The following LAMC2 variants were observed in gnomAD, a reference collection of about 807,000 sequenced individuals.
LAMC2 encodes laminin subunit gamma 2.
In LAMC2, 97 loss-of-function variants were observed where a neutral mutation model predicts 140.2. That is an observed-to-expected ratio of 0.69 (90% confidence interval 0.59 to 0.82). The LOEUF (loss-of-function observed/expected upper bound fraction) is 0.82. Ranked by LOEUF, LAMC2 falls within the 40% of genes least tolerant of loss-of-function variation. The pLI is 0.00. For synonymous variants in LAMC2, 513 were observed against 540.2 expected, an observed-to-expected ratio of 0.95 and a Z score of 0.70; for missense variants, 1,402 against 1,476.1, an observed-to-expected ratio of 0.95 and a Z score of 0.82.
intron 3 of LAMC2, among the ~76,000 whole-genome samples, chr1:183,217,820 T>G (rs1231636047): frequency 6.6e-6 from 1 of 152,156 alleles, no homozygotes; most frequent in Non-Finnish European, 1.5e-5. Context: ...ATCAAAATGT[T>G]CTAAAATTAA....
chr1:183,233,736 AT>A (rs959773366), intron 14 of LAMC2, among the ~76,000 whole-genome samples: 11 of 146,802 alleles, frequency 7.5e-5, no homozygotes, highest in South Asian at 2.1e-4. Flanking sequence ...TTTTATTTTT[AT>A]TTTTTTTGGC....
chr1:183,191,540 C>G (rs1558077319), intron 1 of LAMC2, among the ~76,000 whole-genome samples: 1 of 146,038 alleles, frequency 6.8e-6, no homozygotes, highest in Non-Finnish European at 1.5e-5. Flanking sequence ...TTTCTAAGGG[C>G]AAGACTTGAA....
intron 1 of LAMC2, among the ~76,000 whole-genome samples, chr1:183,202,233 AAAAC>A (rs1037604448): frequency 1.3e-5 from 2 of 151,848 alleles, no homozygotes; most frequent in South Asian, 2.1e-4. Flanking sequence ...CAAAAAAAAA[AAAAC>A]AAAGAAAACC....
At chr1:183,241,685 T>C (rs984901430) in intron 22 of LAMC2, among the ~76,000 whole-genome samples, 1 of 152,126 alleles carries the variant, frequency 6.6e-6, no homozygotes, top group Non-Finnish European at 1.5e-5. Context: ...ATCATCACCC[T>C]GAGATGCCAA....
chr1:183,239,228 C>T, intron 19 of LAMC2, 136 bp from the exon 20 acceptor site: 1 of 834,676 alleles, frequency 1.2e-6, no homozygotes, highest in Non-Finnish European at 2.1e-6. Flanking sequence ...TTAATTCCAG[C>T]CGTAACTTCC....
chr1:183,223,062 C>T, intron 6 of LAMC2, 73 bp from the exon 7 acceptor site: 1 of 1,408,312 alleles, frequency 7.1e-7, no homozygotes, highest in Non-Finnish European at 1.0e-6. Context: ...TTGCCGACAC[C>T]AGTGCAAACT....
the LAMC2 span, chr1:183,252,711 A>G: frequency 1.2e-6 from 2 of 1,614,138 alleles, no homozygotes; most frequent in Admixed American, 3.3e-5. Context: ...CAGGTAATCC[A>G]CAACATGGCC....
Position 183,243,509 on chromosome 1 carries a change from G to T in LAMC2, c.*109G>T. On this transcript the variant is annotated 3_prime_UTR_variant, in exon 23 of 23. Transcript: ENST00000264144. ...GGGGACATTTGAACATGTTTAATGG[G>T]TATGCTCAGGTCAACTGACCTGACC... The T allele has an allele frequency of 1.4e-6, 2 of 1,380,036 alleles. No individual in the cohort carries two copies. The highest frequency in any genetic ancestry group is 2.1e-6 in the Non-Finnish European group (2 of 974,190). 85.5% of individuals were successfully genotyped at this position (1,380,036 alleles called of 1,614,324 possible). A position where few individuals can be genotyped will look rare whatever the true frequency, so the allele number is the denominator to read the frequency against.
rs368858792 is a variant in LAMC2 at position 183,235,701 on chromosome 1, C to T, written c.2427C>T (p.Asp809=). The T allele has an allele frequency of 1.4e-5, 22 of 1,614,080 alleles. No homozygotes were observed. The highest frequency in any genetic ancestry group is 5.3e-5 in the African/African-American group (4 of 74,928). Residue 809 remains aspartate (D), a synonymous_variant, in exon 16 of 23, where the codon GAC becomes GAT. Transcript: ENST00000264144. ...EGVGSGSGSP[D]GAVVQGLVEK... ...TCGGAAGCGGAAGCGGTAGCCCGGA[C>T]GGTGCTGTGGTGCAAGGGCTTGTGG...
chr1:183,188,961 C>A (rs1658240487), intron 1 of LAMC2, among the ~76,000 whole-genome samples: 1 of 152,188 alleles, frequency 6.6e-6, no homozygotes, highest in Non-Finnish European at 1.5e-5. Flanking sequence ...GATTTGTAAG[C>A]AGGAATTAGT....
intron 2 of LAMC2, among the ~76,000 whole-genome samples, chr1:183,209,296 G>C (rs1659000974): frequency 6.6e-6 from 1 of 152,154 alleles, no homozygotes; most frequent in African/African-American, 2.4e-5. Flanking sequence ...TAGTGTAGTA[G>C]GTCTGTGGAA....
chr1:183,199,748 C>T (rs1387246905), intron 1 of LAMC2, among the ~76,000 whole-genome samples: 1 of 152,194 alleles, frequency 6.6e-6, no homozygotes, highest in African/African-American at 2.4e-5. Flanking sequence ...CAAGGAAGTG[C>T]ACAATCTGAT....
chr1:183,209,954 T>G (rs1457758554), intron 2 of LAMC2, among the ~76,000 whole-genome samples: 2 of 152,164 alleles, frequency 1.3e-5, no homozygotes, highest in African/African-American at 4.8e-5. Context: ...TGGCAGGAAG[T>G]GGTGGAGCCC....
At chr1:183,227,158 G>T (rs1360321978) in intron 9 of LAMC2, among the ~76,000 whole-genome samples, 1 of 152,192 alleles carries the variant, frequency 6.6e-6, no homozygotes, top group Admixed American at 6.5e-5. Flanking sequence ...TCAGTGCTGG[G>T]TAGAAGAGTT....
At chr1:183,207,855 A>G (rs1213059023) in intron 1 of LAMC2, 26 bp from the exon 2 acceptor site, 3 of 1,402,476 alleles carry the variant, frequency 2.1e-6, no homozygotes, top group Non-Finnish European at 2.9e-6. Context: ...TTTTTTGACG[A>G]TCTCTTTTGT....
chr1:183,254,854 C>T, the LAMC2 span, among the ~76,000 whole-genome samples: 1 of 152,162 alleles, frequency 6.6e-6, no homozygotes, highest in African/African-American at 2.4e-5. Flanking sequence ...TATTTTTTCT[C>T]AATCCCTAGG....
intron 7 of LAMC2, among the ~76,000 whole-genome samples, chr1:183,224,546 C>T (rs1046102982): frequency 1.3e-5 from 2 of 152,148 alleles, no homozygotes; most frequent in East Asian, 3.9e-4. Flanking sequence ...AGAACACATT[C>T]AGAGTGGCTC....
the LAMC2 span, chr1:183,251,855 T>TTGCTGC: frequency 2.4e-4 from 39 of 163,300 alleles, 6 homozygotes; most frequent in South Asian, 1.1e-3. Flanking sequence ...TGATCAAAGG[T>TTGCTGC]TGCTGCTGCT....
chr1:183,255,462 A>T, the LAMC2 span, among the ~76,000 whole-genome samples: 1 of 152,064 alleles, frequency 6.6e-6, no homozygotes. Flanking sequence ...GAATGCTGCC[A>T]TTGGGATTTT....
Sources: gnomAD v4.1 joint callset for allele counts (sites outside exome capture counted in the v4.1 genomes callset) on GRCh38, gnomAD v4.1.1 for gene constraint, MANE v1.5 for transcripts, NCBI Gene and HGNC (gene_info 2026-07-23, HGNC 2026-07-21) for gene names.